Variants in FAM120B observed in about 807,000 individuals in gnomAD.
FAM120B encodes family with sequence similarity 120 member B, also known as constitutive coactivator of peroxisome proliferator-activated receptor gamma.
A neutral mutation model predicts 96.3 loss-of-function variants in FAM120B; 83 were observed. The ratio of observed to expected loss-of-function variants is 0.86; its 90% CI spans 0.72 to 1.03. The LOEUF (loss-of-function observed/expected upper bound fraction) is 1.03. Ranked by LOEUF, FAM120B falls within the 50% of genes least tolerant of loss-of-function variation. The pLI is 0.00. For synonymous variants in FAM120B, 407 were observed against 402.7 expected (o/e 1.01, Z -0.13); for missense variants, 1,027 against 1,121.2 (o/e 0.92, Z 1.20).
At position 170,363,428 on chromosome 6, in the gene FAM120B, G is replaced by C. The variant is rs771873629; in HGVS notation, c.2283+5110G>C. Among the ~76,000 whole-genome samples, 3 of 152,258 alleles carry C rather than the reference G, an allele frequency of 2.0e-5. No homozygotes were observed. The highest frequency in any genetic ancestry group is 4.4e-5 in the Non-Finnish European group (3 of 68,042). On this transcript the variant is annotated intron_variant, in intron 6 of 10. Transcript: ENST00000476287. This position sits in a 1 kb window ranked among gnomAD's most constrained non-coding sequence, Gnocchi z 4.5. ...ATGGCGAGTGCAGCAAGTCACACCT[G>C]TGTCAGCAGCATCGTCCTCTGCCTT...
chr6:170,304,159 A>G (rs117327682), upstream of FAM120B, among the ~76,000 whole-genome samples: 3,210 of 152,330 alleles, frequency 0.021, 50 homozygotes, highest in Non-Finnish European at 0.031. Context: ...GGATATCTGA[A>G]AATATCTACA....
intron 6 of FAM120B, among the ~76,000 whole-genome samples, chr6:170,366,509 G>C (rs1035298930): frequency 3.9e-5 from 6 of 152,228 alleles, no homozygotes; most frequent in Admixed American, 2.0e-4. Context: ...TGGCGTGTGA[G>C]CGCACCTGAG....
chr6:170,404,234 T>C (rs1445532120), intron 9 of FAM120B: 3 of 291,570 alleles, frequency 1.0e-5, no homozygotes, highest in African/African-American at 6.6e-5. Context: ...GCCATCTGCA[T>C]GTGAATTTCC....
intron 6 of FAM120B, among the ~76,000 whole-genome samples, chr6:170,380,618 G>T (rs977610550): frequency 1.3e-5 from 2 of 152,188 alleles, no homozygotes; most frequent in African/African-American, 4.8e-5. Flanking sequence ...GACACCTTGC[G>T]TATGCCTGCT....
intron 5 of FAM120B, among the ~76,000 whole-genome samples, chr6:170,351,477 C>T (rs1787576159): frequency 6.6e-6 from 1 of 152,136 alleles, no homozygotes; most frequent in Non-Finnish European, 1.5e-5. Context: ...AGAAGATCAA[C>T]CCCAAGACAC....
chr6:170,383,886 G>A (rs1210447645), intron 6 of FAM120B, among the ~76,000 whole-genome samples: 1 of 152,180 alleles, frequency 6.6e-6, no homozygotes, highest in Non-Finnish European at 1.5e-5. Context: ...GTCTTTAAAT[G>A]GACGAATGTT....
rs967622880 is a variant in FAM120B, at chr6:170,405,492, T to C, written c.*741T>C. The C allele has an allele frequency of 2.0e-5, 3 of 152,224 alleles. No individual in the cohort carries two copies. Among genetic ancestry groups the C allele is most frequent in the African/African-American group, 7.2e-5 (3 of 41,460 alleles). 9.4% of individuals were successfully genotyped at this position (152,224 alleles called of 1,614,324 possible). A position where few individuals can be genotyped will look rare whatever the true frequency, so the allele number is the denominator to read the frequency against. On this transcript the variant is annotated 3_prime_UTR_variant, in exon 11 of 11. Transcript: ENST00000476287. The stretch of plus-strand genomic sequence containing the variant: ...GAGGCACAAGGTTTCATCACACTAT[T>C]CACAATGGCGAGCAAGTTAAAACGG...
chr6:170,367,546 C>T (rs1015152465), intron 6 of FAM120B, among the ~76,000 whole-genome samples: 4 of 152,208 alleles, frequency 2.6e-5, no homozygotes, highest in Non-Finnish European at 5.9e-5. Context: ...TCCAGAAGAG[C>T]GTGCTGACCC....
intron 6 of FAM120B, among the ~76,000 whole-genome samples, chr6:170,380,665 C>T (rs910317439): frequency 3.3e-5 from 5 of 152,192 alleles, no homozygotes; most frequent in East Asian, 1.9e-4. Flanking sequence ...AATGTCTATT[C>T]GTGTCCTTTG....
chr6:170,382,555 T>G (rs1789971397), intron 6 of FAM120B, among the ~76,000 whole-genome samples: 1 of 152,186 alleles, frequency 6.6e-6, no homozygotes. Flanking sequence ...TTAACAATTG[T>G]TTCACAAAAA....
chr6:170,315,106 T>A (rs1485635023), intron 1 of FAM120B, among the ~76,000 whole-genome samples: 1 of 152,224 alleles, frequency 6.6e-6, no homozygotes, highest in East Asian at 1.9e-4. Context: ...TTTTCCTTTC[T>A]GCTGTCCAGG....
intron 3 of FAM120B, among the ~76,000 whole-genome samples, chr6:170,327,049 T>A (rs1367190420): frequency 4.7e-5 from 7 of 150,396 alleles, no homozygotes. Context: ...AGGCCAAAAC[T>A]TGAATTTTTT....
At chr6:170,348,017 T>A in intron 4 of FAM120B, 134 bp from the exon 5 acceptor site, 1 of 692,178 alleles carries the variant, frequency 1.4e-6, no homozygotes, top group Non-Finnish European at 2.3e-6. Flanking sequence ...ACTAATCTGA[T>A]CATGTTTACT....
chr6:170,390,945 A>AGCCACATCTGGCCCTACTTT, intron 7 of FAM120B, 68 bp from the exon 8 acceptor site: 1 of 1,314,294 alleles, frequency 7.6e-7, no homozygotes. Flanking sequence ...GCTTCCTTCC[A>AGCCACATCTGGCCCTACTTT]GCCACATCTG....
In FAM120B at chr6:170,371,365, G is replaced by C. The variant is rs568015050; in HGVS notation, c.2283+13047G>C. ...GTCTGTCATCAGCTGAGAGACACTT[G>C]GTAGTTTCACTTTTTGGCCCTGTGA... is the stretch of plus-strand genomic sequence containing the variant. On this transcript the variant is annotated intron_variant, in intron 6 of 10. Transcript: ENST00000476287. 3.2e-4 allele frequency among the ~76,000 whole-genome samples: 48 copies of C among 152,172 alleles called. 1 individual carries two copies. In the South Asian group the frequency reaches 1.0e-2, roughly 32 times the overall value.
intron 7 of FAM120B, 94 bp from the exon 8 acceptor site, chr6:170,390,919 G>A: frequency 1.0e-6 from 1 of 972,202 alleles, no homozygotes; most frequent in Non-Finnish European, 1.6e-6. Context: ...GAACAGTGTG[G>A]AAGGGTGTCC....
intron 9 of FAM120B, among the ~76,000 whole-genome samples, chr6:170,398,270 G>C (rs962108557): frequency 6.6e-6 from 1 of 152,256 alleles, no homozygotes; most frequent in East Asian, 1.9e-4. Context: ...TCTATTTATT[G>C]AATGGTGGGT....
intron 5 of FAM120B, among the ~76,000 whole-genome samples, chr6:170,355,474 C>A (rs1177352212): frequency 6.6e-6 from 1 of 152,022 alleles, no homozygotes; most frequent in Non-Finnish European, 1.5e-5. Flanking sequence ...GAACAGAAAA[C>A]CAAATATTGC....
At chr6:170,292,003 G>A (rs1481939246), upstream of FAM120B, among the ~76,000 whole-genome samples, 1 of 152,194 alleles carries the variant, frequency 6.6e-6, no homozygotes, top group East Asian at 1.9e-4. This position sits in a 1 kb window ranked among gnomAD's most constrained non-coding sequence, Gnocchi z 6.6. Flanking sequence ...GCCTGTTATT[G>A]TGCGAGGCTG....
Sources: gnomAD v4.1 joint callset for allele counts (sites outside exome capture counted in the v4.1 genomes callset) on GRCh38, gnomAD v4.1.1 for gene constraint, Gnocchi (gnomAD v3.1) non-coding constraint, MANE v1.5 for transcripts, NCBI Gene and HGNC (gene_info 2026-07-23, HGNC 2026-07-21) for gene names.